Variants in ABCG2 observed in about 807,000 individuals in gnomAD.
ABCG2 encodes the protein ATP binding cassette subfamily G member 2 (JR blood group), also known as broad substrate specificity ATP-binding cassette transporter ABCG2.
Under a neutral mutation model 73.5 loss-of-function variants are expected in ABCG2, and 80 were observed. That is an observed-to-expected ratio of 1.09 (90% CI 0.91 to 1.31). The LOEUF is 1.31. Ranked by LOEUF, ABCG2 falls within the 50% of genes most tolerant of loss-of-function variation. The pLI, the probability that ABCG2 is intolerant of heterozygous loss-of-function variation, is 0.00. For missense variants in ABCG2, 796 were observed against 786.2 expected (o/e 1.01, Z -0.15); for synonymous variants, 269 against 282.4 (o/e 0.95, Z 0.48).
chr4:88,197,194 C>CA (rs541237674), intron 1 of ABCG2, among the ~76,000 whole-genome samples: 37,678 of 92,528 alleles, frequency 0.41, 5,660 homozygotes, highest in South Asian at 0.53. Flanking sequence ...TGGCTTTCAA[C>CA]AACAAAAAAA....
intron 1 of ABCG2, among the ~76,000 whole-genome samples, chr4:88,168,052 C>T (rs1727608993): frequency 7.5e-6 from 1 of 132,592 alleles, no homozygotes; most frequent in African/African-American, 2.9e-5. Flanking sequence ...GGGTTTTACA[C>T]AGAGAGAGAC....
intron 3 of ABCG2, 72 bp downstream of exon 3, chr4:88,132,504 C>CA (rs5860119): frequency 0.02 from 30,248 of 1,501,852 alleles, 983 homozygotes; most frequent in South Asian, 0.13. Context: ...TGCTCGCACA[C>CA]AAAAAAAAGT....
chr4:88,127,722 G>A (rs1039658715), intron 5 of ABCG2, among the ~76,000 whole-genome samples: 4 of 152,176 alleles, frequency 2.6e-5, no homozygotes, highest in African/African-American at 9.7e-5. Flanking sequence ...CTAGCCATAT[G>A]CAGAAAACTG....
At position 88,179,775 on chromosome 4, in the gene ABCG2, T is replaced by C. The variant is rs562159119; in HGVS notation, c.-19-39761A>G. ...AAACAGAAATTATAGAGTTGAAAAA[T>C]GCAATTGACATACTGAATAATGCAT... On this transcript the variant is annotated intron_variant, in intron 1 of 15. Transcript: ENST00000515655. Among the ~76,000 whole-genome samples the C allele has an allele frequency of 4.6e-5, 7 of 152,170 alleles. No homozygotes were observed. The South Asian group carries it at 1.5e-3, about 32-fold the overall frequency.
intron 1 of ABCG2, among the ~76,000 whole-genome samples, chr4:88,141,183 C>CA (rs1560708035): frequency 6.6e-6 from 1 of 151,964 alleles, no homozygotes; most frequent in Non-Finnish European, 1.5e-5. Context: ...AAAAGTAGAC[C>CA]AAAAAAAGTA....
At chr4:88,214,133 G>A (rs1411656392) in intron 1 of ABCG2, among the ~76,000 whole-genome samples, 7 of 151,334 alleles carry the variant, frequency 4.6e-5, no homozygotes, top group Admixed American at 6.6e-5. Context: ...GACTACAGGC[G>A]CATACAACCA....
At chr4:88,137,970 C>T (rs188557971) in intron 2 of ABCG2, among the ~76,000 whole-genome samples, 11 of 152,066 alleles carry the variant, frequency 7.2e-5, no homozygotes, top group East Asian at 1.9e-4. Context: ...GCCTGGGCAA[C>T]GTAGGAAGAC....
At chr4:88,158,643 T>C (rs1419260668), upstream of ABCG2, 5 of 456,150 alleles carry the variant, frequency 1.1e-5, no homozygotes, top group South Asian at 7.7e-5. Flanking sequence ...GGGCACTGCC[T>C]CTTCCCTCCT....
chr4:88,135,007 G>A lies in ABCG2; in HGVS notation c.204-2372C>T, dbSNP rs764413268. ...GACAAAGGGTTGTTGGAACAGGGCCGTGCTCATTCCCTTACATATTACCTA... is the reference window on the plus strand; with the variant it reads ...GACAAAGGGTTGTTGGAACAGGGCCATGCTCATTCCCTTACATATTACCTA... On this transcript the variant is annotated intron_variant, in intron 2 of 15. Transcript: ENST00000237612. Among the ~76,000 whole-genome samples, 18 of 152,314 alleles carry A rather than the reference G, an allele frequency of 1.2e-4. 1 individual carries two copies. The highest frequency in any genetic ancestry group is 6.8e-3 in the Middle Eastern group (2 of 294).
chr4:88,118,803 C>T (rs1229904415), intron 6 of ABCG2, among the ~76,000 whole-genome samples: 3 of 152,156 alleles, frequency 2.0e-5, no homozygotes, highest in Admixed American at 1.3e-4. Flanking sequence ...TCAATTTTCA[C>T]AATATTGTCA....
chr4:88,131,365 T>A, intron 4 of ABCG2, 152 bp from the exon 5 acceptor site: 1 of 804,822 alleles, frequency 1.2e-6, no homozygotes, highest in African/African-American at 1.7e-5. Flanking sequence ...AAATGACAGT[T>A]AACTCCATAG....
At chr4:88,212,960 G>A (rs1465811822) in intron 1 of ABCG2, among the ~76,000 whole-genome samples, 1 of 152,078 alleles carries the variant, frequency 6.6e-6, no homozygotes, top group Non-Finnish European at 1.5e-5. Context: ...GAGTGCAGTG[G>A]CGAGATCTTA....
At chr4:88,107,079 T>G in intron 10 of ABCG2, 105 bp downstream of exon 10, 2 of 829,252 alleles carry the variant, frequency 2.4e-6, no homozygotes, top group Non-Finnish European at 3.8e-6. Context: ...AATAAAAGAA[T>G]GACATTTACA....
chr4:88,150,709 T>TGTGTTGGGCTTCATTCAAAGCC (rs1726406504), intron 1 of ABCG2, among the ~76,000 whole-genome samples: 1 of 152,208 alleles, frequency 6.6e-6, no homozygotes, highest in Non-Finnish European at 1.5e-5. Context: ...TTTACTAATT[T>TGTGTTGGGCTTCATTCAAAGCC]GTGTTGGGCT....
chr4:88,171,950 A>G (rs1727773667), intron 1 of ABCG2, among the ~76,000 whole-genome samples: 1 of 152,112 alleles, frequency 6.6e-6, no homozygotes, highest in Admixed American at 6.5e-5. Context: ...TGTGCCTGCA[A>G]GTGGATTCTG....
chr4:88,157,386 A>C (rs939591654), intron 1 of ABCG2, among the ~76,000 whole-genome samples: 1 of 152,240 alleles, frequency 6.6e-6, no homozygotes, highest in Non-Finnish European at 1.5e-5. Context: ...GATCCTGGGC[A>C]GAAAAAGGAC....
intron 1 of ABCG2, among the ~76,000 whole-genome samples, chr4:88,186,954 A>G (rs12649505): frequency 0.093 from 13,547 of 145,954 alleles, 832 homozygotes; most frequent in East Asian, 0.23. Flanking sequence ...TTAGCCGGGC[A>G]TGGTGGCAGG....
chr4:88,181,985 G>A lies in ABCG2; in HGVS notation c.-19-41971C>T, dbSNP rs139789944. On this transcript the variant is annotated intron_variant, in intron 1 of 15. Coordinates refer to the ABCG2 transcript ENST00000515655. ...TTCTCCAATAAAAAGATATAGAGTCGTCAAATGGATTAAAAAAACAAAACT... is the reference window on the plus strand; with the variant it reads ...TTCTCCAATAAAAAGATATAGAGTCATCAAATGGATTAAAAAAACAAAACT... Among the ~76,000 whole-genome samples, 50 of 151,820 alleles carry A rather than the reference G, an allele frequency of 3.3e-4. No homozygotes were observed. The South Asian group carries it at 5.0e-3, about 15-fold the overall frequency.
intron 1 of ABCG2, among the ~76,000 whole-genome samples, chr4:88,142,484 C>T (rs973387178): frequency 2.0e-5 from 3 of 151,998 alleles, no homozygotes; most frequent in African/African-American, 2.4e-5. Flanking sequence ...AGACTGACAC[C>T]CAGCAAATTC....
Sources: allele counts gnomAD v4.1 joint callset (sites outside exome capture counted in the v4.1 genomes callset), GRCh38; gene constraint gnomAD v4.1.1; transcripts MANE v1.5; gene names NCBI Gene and HGNC (gene_info 2026-07-23, HGNC 2026-07-21).